Variants in LRRC27 observed in about 807,000 individuals in gnomAD.
LRRC27 encodes leucine rich repeat containing 27, also known as leucine-rich repeat-containing protein 27.
A neutral mutation model predicts 55.0 loss-of-function variants in LRRC27; 57 were observed. That is an observed-to-expected ratio of 1.04 (90% CI 0.84 to 1.29). The LOEUF is 1.29. Among genes scored for constraint, LRRC27 ranks in the 50% most tolerant of loss-of-function variants. The probability of loss-of-function intolerance (pLI) is 0.00; values close to 1 mark genes in which losing one functional copy is unlikely to be tolerated. For missense variants in LRRC27, 721 were observed against 651.5 expected (o/e 1.11, Z -1.16); for synonymous variants, 278 against 251.9 (o/e 1.10, Z -0.98).
At chr10:132,370,633 G>T (rs1337109642) in intron 10 of LRRC27, among the ~76,000 whole-genome samples, 1 of 152,200 alleles carries the variant, frequency 6.6e-6, no homozygotes, top group Non-Finnish European at 1.5e-5. Context: ...GGGGAGAGGG[G>T]TCCCTGAGAC....
chr10:132,360,774 C>G (rs2068577564), intron 8 of LRRC27, among the ~76,000 whole-genome samples: 2 of 152,178 alleles, frequency 1.3e-5, no homozygotes, highest in African/African-American at 2.4e-5. Context: ...TGCAGTAGCC[C>G]CTGGTTGGAA....
At chr10:132,354,833 G>A (rs1331517265) in intron 7 of LRRC27, among the ~76,000 whole-genome samples, 2 of 152,202 alleles carry the variant, frequency 1.3e-5, no homozygotes, top group East Asian at 3.9e-4. Flanking sequence ...GGGGCAGGAT[G>A]GAGAGGGGGT....
At chr10:132,365,204 G>T (rs931179706) in intron 9 of LRRC27, among the ~76,000 whole-genome samples, 2 of 152,246 alleles carry the variant, frequency 1.3e-5, no homozygotes, top group Non-Finnish European at 2.9e-5. Context: ...AAGAAGGGAT[G>T]GGAGAGGCAG....
upstream of LRRC27, chr10:132,331,464 G>T: frequency 6.2e-7 from 1 of 1,612,520 alleles, no homozygotes; most frequent in South Asian, 1.1e-5. Flanking sequence ...TCACTCCTCC[G>T]TCCAGAGGCA....
At chr10:132,349,679 T>C (rs2067912035) in intron 6 of LRRC27, among the ~76,000 whole-genome samples, 1 of 152,188 alleles carries the variant, frequency 6.6e-6, no homozygotes, top group Admixed American at 6.5e-5. Flanking sequence ...ATTTGATCAA[T>C]ATGTCAGATT....
At chr10:132,345,737 G>A (rs2067651911) in intron 5 of LRRC27, among the ~76,000 whole-genome samples, 1 of 152,196 alleles carries the variant, frequency 6.6e-6, no homozygotes. Context: ...GCTGGGACAA[G>A]GATGGAGGGG....
At chr10:132,371,954 G>C (rs1049088403) in intron 10 of LRRC27, among the ~76,000 whole-genome samples, 1 of 152,198 alleles carries the variant, frequency 6.6e-6, no homozygotes, top group African/African-American at 2.4e-5. Flanking sequence ...CCTTGTCCTC[G>C]CACATATGGA....
intron 8 of LRRC27, among the ~76,000 whole-genome samples, chr10:132,359,248 G>A (rs918439736): frequency 1.1e-4 from 16 of 152,070 alleles, no homozygotes; most frequent in South Asian, 2.1e-4. Flanking sequence ...AGTTAAGAGC[G>A]TGTCCTTTGA....
rs376744727 is a variant in LRRC27, at chr10:132,351,948, G to C, written c.1073+195G>C. Among the ~76,000 whole-genome samples the C allele has an allele frequency of 2.0e-5, 3 of 152,372 alleles. No homozygotes were observed. The East Asian group carries it at 5.8e-4, about 29-fold the overall frequency. ...CCTTGTGGTCTGTAGCGCCACGCAC[G>C]GGCTCGCTTGTTTGCAGCCCTGAGG... On this transcript the variant is annotated intron_variant, in intron 7 of 10. Transcript: ENST00000368614.
intron 7 of LRRC27, chr10:132,353,303 G>T (rs41290023): frequency 1.7e-6 from 2 of 1,166,168 alleles, no homozygotes; most frequent in Non-Finnish European, 2.1e-6. Flanking sequence ...TCCTGTGGGC[G>T]GCTGCAGCCC....
upstream of LRRC27, chr10:132,330,615 C>A: frequency 2.9e-6 from 2 of 685,158 alleles, no homozygotes; most frequent in Non-Finnish European, 2.7e-6. Flanking sequence ...TCAAGCGATC[C>A]TCTTGCCTCA....
rs547379490 is a variant in LRRC27 at position 132,348,346 on chromosome 10, C to T, written c.916C>T (p.His306Tyr). The change falls in exon 6 of 11, where the codon CAC becomes TAC. Residue 306 changes from histidine to tyrosine, a missense_variant. Physicochemically the swap from His to Tyr is moderately conservative, Grantham distance 83 (BLOSUM62 2). Coordinates refer to ENST00000368614, the MANE Select transcript of LRRC27 (RefSeq NM_030626.3). The surrounding 1 kb of genome is among the most constrained non-coding windows in gnomAD (Gnocchi z 4.2). The part of the protein sequence containing the change: ...NIEKELPKPR[H>Y]VFRRKTASSR... ...TGAGAAAGAACTACCAAAGCCAAGA[C>T]ACGTTTTCAGGTAAAACTGAAAAGC... is the stretch of plus-strand genomic sequence containing the variant. The T allele has an allele frequency of 2.6e-5, 42 of 1,608,576 alleles. No homozygotes were observed. The South Asian group carries it at 4.5e-4, about 17-fold the overall frequency.
intron 2 of LRRC27, among the ~76,000 whole-genome samples, chr10:132,336,551 T>C (rs4522089): frequency 0.38 from 58,197 of 152,092 alleles, 11,375 homozygotes; most frequent in African/African-American, 0.42. Flanking sequence ...AGGCATGTGG[T>C]GCTCTGTGCA....
chr10:132,354,257 G>T (rs1488729130), intron 7 of LRRC27, among the ~76,000 whole-genome samples: 1 of 152,216 alleles, frequency 6.6e-6, no homozygotes, highest in Non-Finnish European at 1.5e-5. Flanking sequence ...TTATTTTCCT[G>T]CCTGGAGCCC....
At position 132,381,147 on chromosome 10, in the gene LRRC27, C is replaced by A. The variant is rs1219474354; in HGVS notation, c.*5905C>A. Among the ~76,000 whole-genome samples, 1 of 152,224 alleles carries A rather than the reference C, an allele frequency of 6.6e-6. No homozygotes were observed. The highest frequency in any genetic ancestry group is 1.5e-5 in the Non-Finnish European group (1 of 68,038). On this transcript the variant is annotated 3_prime_UTR_variant, in exon 11 of 11. Coordinates refer to ENST00000368614, the MANE Select transcript of LRRC27 (RefSeq NM_030626.3). ...GACCCACCACAGTGTGGGCAGGCAC[C>A]ATCCAGTCGGCTGCCAGCATGGCTG...
At chr10:132,346,963 C>G (rs1164684972) in intron 5 of LRRC27, among the ~76,000 whole-genome samples, 1 of 152,210 alleles carries the variant, frequency 6.6e-6, no homozygotes, top group African/African-American at 2.4e-5. Flanking sequence ...CCTGTGTCCA[C>G]TGCGACGGCC....
chr10:132,342,424 G>A (rs2067458149), intron 4 of LRRC27, among the ~76,000 whole-genome samples, 153 bp downstream of exon 4: 1 of 152,180 alleles, frequency 6.6e-6, no homozygotes, highest in Admixed American at 6.5e-5. Context: ...TAGCTCTCAA[G>A]AACTGTTGAT....
rs995898673 is a variant in LRRC27, at chr10:132,376,497, C to A, written c.*1255C>A. On this transcript the variant is annotated 3_prime_UTR_variant, in exon 11 of 11. Coordinates refer to ENST00000368614, the MANE Select transcript of LRRC27 (RefSeq NM_030626.3). ...GCCATTTCTCACGCCTGAGGGCAGG[C>A]GTTGGAGCAGCTCAGCCGGCGTTGC... 1.3e-5 allele frequency: 2 copies of A among 152,276 alleles called. No individual in the cohort carries two copies. Among genetic ancestry groups the A allele is most frequent in the Non-Finnish European group, 2.9e-5 (2 of 68,058 alleles). The allele number at this position is 152,276 out of a possible 1,614,324, so 9.4% of individuals were successfully genotyped here. A position where few individuals can be genotyped will look rare whatever the true frequency, so the allele number is the denominator to read the frequency against.
chr10:132,334,116 T>C (rs1330897720), intron 2 of LRRC27, among the ~76,000 whole-genome samples: 2 of 152,230 alleles, frequency 1.3e-5, no homozygotes, highest in Non-Finnish European at 2.9e-5. Context: ...TTGCTCATGT[T>C]ACACACTGGT....
Sources: gnomAD v4.1 joint callset for allele counts (sites outside exome capture counted in the v4.1 genomes callset) on GRCh38, gnomAD v4.1.1 for gene constraint, Gnocchi (gnomAD v3.1) non-coding constraint, MANE v1.5 for transcripts, NCBI Gene and HGNC (gene_info 2026-07-23, HGNC 2026-07-21) for gene names.